Variants in COBLL1 observed in about 807,000 individuals in gnomAD.
COBLL1 encodes the protein cordon-bleu protein-like 1.
A neutral mutation model predicts 94.8 loss-of-function variants in COBLL1; 50 were observed. The ratio of observed to expected loss-of-function variants is 0.53; its 90% CI spans 0.42 to 0.67. COBLL1 has a LOEUF of 0.67. COBLL1 is among the 30% of genes least tolerant of loss of function. The pLI is 0.00. For missense variants in COBLL1, 1,362 were observed against 1,348.7 expected (o/e 1.01, Z -0.15); for synonymous variants, 448 against 473.8 (o/e 0.95, Z 0.71).
At chr2:164,663,621 A>G (rs1229554237) in intron 2 of COBLL1, among the ~76,000 whole-genome samples, 1 of 152,182 alleles carries the variant, frequency 6.6e-6, no homozygotes, top group Non-Finnish European at 1.5e-5. Context: ...TCACAGCCAT[A>G]AAAAAGAATG....
chr2:164,688,344 T>C (rs536754653), intron 13 of COBLL1, among the ~76,000 whole-genome samples: 1 of 152,324 alleles, frequency 6.6e-6, no homozygotes, highest in South Asian at 2.1e-4. Flanking sequence ...AATGCCAGTT[T>C]ATAACTACTT....
At chr2:164,708,440 C>T (rs1684718083) in intron 7 of COBLL1, among the ~76,000 whole-genome samples, 1 of 152,052 alleles carries the variant, frequency 6.6e-6, no homozygotes, top group Non-Finnish European at 1.5e-5. Context: ...AAGAAGTGCA[C>T]CAAGGAGTTG....
intron 2 of COBLL1, among the ~76,000 whole-genome samples, chr2:164,803,460 G>GACCA (rs1481731736): frequency 6.6e-6 from 1 of 150,558 alleles, no homozygotes; most frequent in Non-Finnish European, 1.5e-5. Context: ...AGCTACTTGG[G>GACCA]AGGCCGAGGC....
chr2:164,833,102 T>C (rs895242053), intron 2 of COBLL1, among the ~76,000 whole-genome samples: 1 of 152,074 alleles, frequency 6.6e-6, no homozygotes, highest in Non-Finnish European at 1.5e-5. Context: ...CTCATGCCTG[T>C]AATCCCAGCA....
rs765779713 is a variant in COBLL1, at chr2:164,700,496, A to G, written c.1460+26T>C. On this transcript the variant is annotated intron_variant, in intron 10 of 13. Transcript: ENST00000652658. ...AGTATTAATTAAACTAACGGCCACC[A>G]ACACTCCAGCACAGAGACTACTTAC... 16 of 1,443,192 alleles carry G rather than the reference A, an allele frequency of 1.1e-5. No individual in the cohort carries two copies. In the East Asian group the frequency reaches 2.0e-4, roughly 18 times the overall value. The allele number at this position is 1,443,192 out of a possible 1,614,324, so 89.4% of individuals were successfully genotyped here.
Position 164,722,310 on chromosome 2 carries a change from G to A in COBLL1, c.761C>T (p.Thr254Ile). The change falls in exon 7 of 14, where the codon ACT becomes ATT. Residue 254 changes from threonine to isoleucine, a missense_variant and splice_region_variant. By Grantham distance (89) the Thr-to-Ile change is moderately conservative. Transcript: ENST00000652658. ...TAGAGGGGTTGCAGGGGCACTTGCA[G>A]TCTAGTAAAGAATGACAAAGACAAA... The part of the protein sequence containing the change: ...FQRSKKKRDQ[T>I]ASAPATPLVN... 6.2e-7 allele frequency: 1 copy of A among 1,611,406 alleles called. No individual in the cohort carries two copies. Among genetic ancestry groups the A allele is most frequent in the Non-Finnish European group, 8.5e-7 (1 of 1,178,134 alleles).
At chr2:164,813,869 C>T (rs1186223482) in intron 2 of COBLL1, among the ~76,000 whole-genome samples, 1 of 152,088 alleles carries the variant, frequency 6.6e-6, no homozygotes, top group African/African-American at 2.4e-5. Context: ...TAAGATCTTA[C>T]CAGCATGTGC....
intron 11 of COBLL1, chr2:164,696,884 C>T (rs1574425741): frequency 6.6e-6 from 1 of 152,146 alleles, no homozygotes; most frequent in Non-Finnish European, 1.5e-5. Flanking sequence ...GTGGCCTTTT[C>T]ACATATGGCA....
rs1380159434 is a variant in COBLL1 at position 164,766,744 on chromosome 2, T to C, written c.42-22869A>G. Among the ~76,000 whole-genome samples, 3 of 152,208 alleles carry C rather than the reference T, an allele frequency of 2.0e-5. No individual in the cohort carries two copies. In the East Asian group the frequency reaches 5.8e-4, roughly 29 times the overall value. On this transcript the variant is annotated intron_variant, in intron 2 of 13. Coordinates refer to ENST00000652658, the MANE Select transcript of COBLL1 (RefSeq NM_001365672.2). ...GATATATAGCATGTTCCTAGTACTC[T>C]CTGACTACTCCTGCTTTCCTCCATG...
intron 2 of COBLL1, among the ~76,000 whole-genome samples, chr2:164,746,060 T>C (rs910602245): frequency 1.3e-5 from 2 of 152,194 alleles, no homozygotes; most frequent in African/African-American, 4.8e-5. Flanking sequence ...ACTCTCCAAG[T>C]ATTCCCATCT....
Position 164,821,229 on chromosome 2 carries a change from T to C in COBLL1, c.41+19927A>G, listed in dbSNP as rs1040366296. On this transcript the variant is annotated intron_variant, in intron 2 of 13. Transcript: ENST00000652658. Reference sequence around the variant, plus strand: ...AGATGAGTATCCATGTCAAAATGAATGTGACCTGACATGAAGATGGCACCA... The same window carrying C: ...AGATGAGTATCCATGTCAAAATGAACGTGACCTGACATGAAGATGGCACCA... Among the ~76,000 whole-genome samples, 8 of 152,228 alleles carry C rather than the reference T, an allele frequency of 5.3e-5. No homozygotes were observed. The South Asian group carries it at 6.2e-4, about 12-fold the overall frequency.
intron 2 of COBLL1, among the ~76,000 whole-genome samples, chr2:164,751,993 A>G (rs186592712): frequency 6.0e-4 from 91 of 152,268 alleles, no homozygotes; most frequent in African/African-American, 2.0e-3. Context: ...TTTCATTTTT[A>G]GGAATGGGAC....
intron 2 of COBLL1, among the ~76,000 whole-genome samples, chr2:164,789,031 A>G (rs1440166063): frequency 2.3e-5 from 1 of 44,290 alleles, no homozygotes; most frequent in Non-Finnish European, 4.3e-5. Context: ...ACACACACAC[A>G]CACACACACA....
intron 7 of COBLL1, among the ~76,000 whole-genome samples, chr2:164,717,213 T>C (rs759805932): frequency 5.9e-5 from 9 of 152,206 alleles, no homozygotes; most frequent in South Asian, 2.1e-4. Flanking sequence ...CGCACCCTTG[T>C]GGTTTATTTT....
chr2:164,732,653 T>C (rs904092738), intron 3 of COBLL1, among the ~76,000 whole-genome samples: 7 of 152,258 alleles, frequency 4.6e-5, no homozygotes, highest in African/African-American at 1.7e-4. Flanking sequence ...TCTCTCTATA[T>C]ATAAATGTGT....
chr2:164,789,226 T>G (rs1683048781), intron 2 of COBLL1, among the ~76,000 whole-genome samples: 1 of 151,982 alleles, frequency 6.6e-6, no homozygotes, highest in Non-Finnish European at 1.5e-5. Context: ...GATAGGGTAT[T>G]AGATTGGTCA....
At chr2:164,667,879 T>TC (rs1256331467) in intron 1 of COBLL1, among the ~76,000 whole-genome samples, 11 of 152,188 alleles carry the variant, frequency 7.2e-5, no homozygotes, top group Admixed American at 7.2e-4. Context: ...ACTTTTCATT[T>TC]CCTTTAAGAT....
intron 2 of COBLL1, among the ~76,000 whole-genome samples, chr2:164,812,534 C>T (rs1684509425): frequency 6.6e-6 from 1 of 151,972 alleles, no homozygotes; most frequent in African/African-American, 2.4e-5. Flanking sequence ...CAACAACAGA[C>T]TAATGGTTAA....
chr2:164,755,305 T>C (rs1214580483), intron 2 of COBLL1, among the ~76,000 whole-genome samples: 2 of 152,226 alleles, frequency 1.3e-5, no homozygotes, highest in Non-Finnish European at 2.9e-5. Context: ...GGGTACCTTG[T>C]GCATAGTTTC....
Sources: gnomAD v4.1 joint callset for allele counts (sites outside exome capture counted in the v4.1 genomes callset) on GRCh38, gnomAD v4.1.1 for gene constraint, MANE v1.5 for transcripts, NCBI Gene and HGNC (gene_info 2026-07-23, HGNC 2026-07-21) for gene names.